ADSS2: variants seen among roughly 807,000 people sequenced by gnomAD.
ADSS2 encodes adenylosuccinate synthase 2, also known as adenylosuccinate synthetase isozyme 2.
Under a neutral mutation model 60.0 loss-of-function variants are expected in ADSS2, and 30 were observed. That is an observed-to-expected ratio of 0.50 (90% CI 0.37 to 0.68). The LOEUF is 0.68. ADSS2 is among the 30% of genes least tolerant of loss of function. The pLI is 0.00. For synonymous variants in ADSS2, 187 were observed against 193.1 expected (o/e 0.97, Z 0.26); for missense variants, 373 against 554.8 (o/e 0.67, Z 3.29).
At chr1:244,435,814 A>T (rs1171668199) in intron 3 of ADSS2, among the ~76,000 whole-genome samples, 1 of 152,220 alleles carries the variant, frequency 6.6e-6, no homozygotes, top group Non-Finnish European at 1.5e-5. Flanking sequence ...CAGTGGGAAA[A>T]ATGTGTTCAG....
intron 1 of ADSS2, among the ~76,000 whole-genome samples, chr1:244,441,793 A>C (rs1242656714): frequency 6.6e-6 from 1 of 152,072 alleles, no homozygotes; most frequent in Non-Finnish European, 1.5e-5. Flanking sequence ...CGTCTCTACT[A>C]AAAATACAAA....
chr1:244,445,648 T>TAAA lies in ADSS2; in HGVS notation c.183+5984_183+5986dup, dbSNP rs34487846. ...GAAGCTCCAAAGGTCCAGGGGAGGT[T>TAAA]AAAAAAAAAAAAAGTTTGGAAAGGA... On this transcript the variant is annotated intron_variant, in intron 1 of 12. Coordinates refer to ENST00000366535, the MANE Select transcript of ADSS2 (RefSeq NM_001126.5). Among the ~76,000 whole-genome samples the TAAA allele has an allele frequency of 2.4e-4, 35 of 147,424 alleles. 1 individual carries two copies. The East Asian group carries it at 4.4e-3, about 18-fold the overall frequency.
intron 1 of ADSS2, among the ~76,000 whole-genome samples, chr1:244,443,860 G>A (rs753198399): frequency 1.3e-5 from 2 of 152,128 alleles, no homozygotes; most frequent in Non-Finnish European, 2.9e-5. Flanking sequence ...CTCCAGCCAC[G>A]TGCTGACACC....
intron 3 of ADSS2, among the ~76,000 whole-genome samples, chr1:244,433,157 A>T (rs1664990940): frequency 6.6e-6 from 1 of 152,054 alleles, no homozygotes; most frequent in South Asian, 2.1e-4. Flanking sequence ...AATCACTTGA[A>T]CCCAGGAGGC....
At chr1:244,414,570 T>C (rs1664488185) in intron 11 of ADSS2, among the ~76,000 whole-genome samples, 1 of 152,192 alleles carries the variant, frequency 6.6e-6, no homozygotes, top group East Asian at 1.9e-4. Flanking sequence ...TTGCTTCTAC[T>C]TTCCTGCTGT....
At chr1:244,441,781 C>A (rs1003872298) in intron 1 of ADSS2, among the ~76,000 whole-genome samples, 1 of 151,982 alleles carries the variant, frequency 6.6e-6, no homozygotes, top group Admixed American at 6.6e-5. Context: ...ATAATGAAAC[C>A]CCGTCTCTAC....
intron 1 of ADSS2, among the ~76,000 whole-genome samples, chr1:244,445,328 C>A (rs1665357869): frequency 6.6e-6 from 1 of 152,142 alleles, no homozygotes; most frequent in African/African-American, 2.4e-5. Context: ...ACTAGTGAAA[C>A]TGAATATTAA....
At chr1:244,423,380 A>T (rs1021938661) in intron 6 of ADSS2, among the ~76,000 whole-genome samples, 4 of 152,232 alleles carry the variant, frequency 2.6e-5, no homozygotes, top group Non-Finnish European at 5.9e-5. Flanking sequence ...ATACAATGTC[A>T]TTATAGCTTT....
At chr1:244,436,688 A>G (rs1452978840) in intron 3 of ADSS2, 137 bp downstream of exon 3, 6 of 621,002 alleles carry the variant, frequency 9.7e-6, no homozygotes, top group Non-Finnish European at 1.4e-5. Flanking sequence ...ATAAAACTTA[A>G]TAACTGACAT....
At chr1:244,428,470 C>T (rs957546411) in intron 4 of ADSS2, among the ~76,000 whole-genome samples, 1 of 149,068 alleles carries the variant, frequency 6.7e-6, no homozygotes, top group African/African-American at 2.5e-5. Flanking sequence ...ATTTTAAATG[C>T]TTACATTAGA....
At chr1:244,444,592 T>C (rs1665339912) in intron 1 of ADSS2, among the ~76,000 whole-genome samples, 1 of 147,584 alleles carries the variant, frequency 6.8e-6, no homozygotes, top group African/African-American at 2.5e-5. Context: ...AAAAAATGTA[T>C]CTCATCACAG....
chr1:244,451,921 C>G, upstream of ADSS2: 1 of 1,243,170 alleles, frequency 8.0e-7, no homozygotes, highest in Non-Finnish European at 1.1e-6. This position sits in a 1 kb window ranked among gnomAD's most constrained non-coding sequence, Gnocchi z 6.6. Context: ...AAGAAGGAGC[C>G]AGAGGCCGGC....
chr1:244,430,000 C>T, intron 4 of ADSS2, among the ~76,000 whole-genome samples: 1 of 152,038 alleles, frequency 6.6e-6, no homozygotes, highest in Non-Finnish European at 1.5e-5. Context: ...TTAACACACC[C>T]ATTATGACAC....
chr1:244,434,604 T>A (rs1296527207), intron 3 of ADSS2, among the ~76,000 whole-genome samples: 5 of 152,264 alleles, frequency 3.3e-5, no homozygotes, highest in African/African-American at 1.2e-4. Flanking sequence ...TGTTTTGACA[T>A]ACAAACATGT....
At chr1:244,443,966 C>T (rs1038675295) in intron 1 of ADSS2, among the ~76,000 whole-genome samples, 1 of 152,070 alleles carries the variant, frequency 6.6e-6, no homozygotes. Context: ...TGAAATATAC[C>T]CTACCCCCCA....
intron 1 of ADSS2, among the ~76,000 whole-genome samples, chr1:244,441,051 T>C (rs144474054): frequency 1.3e-4 from 19 of 151,758 alleles, no homozygotes; most frequent in African/African-American, 4.6e-4. Flanking sequence ...TTAATTATCT[T>C]AACTTAGTCT....
At chr1:244,437,033 G>A in intron 2 of ADSS2, 140 bp from the exon 3 acceptor site, 11 of 640,358 alleles carry the variant, frequency 1.7e-5, no homozygotes, top group South Asian at 4.7e-5. Context: ...AATACATAAT[G>A]GAACATAATA....
rs1347813119 is a variant in ADSS2, at chr1:244,429,818, G to A, written c.406+2727C>T. ...AATCGCTTGAACCCAGGAGGTGGAG[G>A]TTGTAGTGAACCAAGATCATGCCAT... On this transcript the variant is annotated intron_variant, in intron 4 of 12. Coordinates refer to ENST00000366535, the MANE Select transcript of ADSS2 (RefSeq NM_001126.5). Among the ~76,000 whole-genome samples, 3 of 152,128 alleles carry A rather than the reference G, an allele frequency of 2.0e-5. 1 individual carries two copies. The highest frequency in any genetic ancestry group is 4.4e-5 in the Non-Finnish European group (3 of 68,030).
At position 244,411,285 on chromosome 1, in the gene ADSS2, A is replaced by G; in HGVS notation, c.1318+2T>C. ...ACTTATTCACAAAGTGTTTATGTTT[A>G]CCTGGAATTTGAAGCTCATCTTCAA... On this transcript the variant is annotated splice_donor_variant, in intron 12 of 12. Transcript: ENST00000366535. LOFTEE classifies it high-confidence loss of function. The G allele has an allele frequency of 2.5e-6, 4 of 1,603,240 alleles. No individual in the cohort carries two copies. The highest frequency in any genetic ancestry group is 2.5e-6 in the Non-Finnish European group (3 of 1,177,426).
Sources: gnomAD v4.1 joint callset for allele counts (sites outside exome capture counted in the v4.1 genomes callset) on GRCh38, gnomAD v4.1.1 for gene constraint, Gnocchi (gnomAD v3.1) non-coding constraint, MANE v1.5 for transcripts, NCBI Gene and HGNC (gene_info 2026-07-23, HGNC 2026-07-21) for gene names.